Variants in MICU2 observed in about 807,000 individuals in gnomAD.
The protein encoded by MICU2 is mitochondrial calcium uptake 2.
Under a neutral mutation model 60.4 loss-of-function variants are expected in MICU2, and 64 were observed. That is an observed-to-expected ratio of 1.06 (90% CI 0.87 to 1.31). The LOEUF is 1.31. Among genes scored for constraint, MICU2 ranks in the 50% most tolerant of loss-of-function variants. The pLI is 0.00. For synonymous variants in MICU2, 201 were observed against 175.0 expected, an observed-to-expected ratio of 1.15 and a Z score of -1.17; for missense variants, 569 against 531.0, an observed-to-expected ratio of 1.07 and a Z score of -0.70.
intron 1 of MICU2, among the ~76,000 whole-genome samples, chr13:21,588,819 G>A (rs1888512255): frequency 6.6e-6 from 1 of 152,176 alleles, no homozygotes; most frequent in South Asian, 2.1e-4. Flanking sequence ...TCTCAGGTCT[G>A]TTTAGACACA....
chr13:21,558,892 G>A (rs190790216), intron 2 of MICU2, among the ~76,000 whole-genome samples: 1 of 152,208 alleles, frequency 6.6e-6, no homozygotes, highest in East Asian at 1.9e-4. Flanking sequence ...AGTAGCTGGG[G>A]GCAAGATGAG....
rs1886712721 is a variant in MICU2, at chr13:21,521,343, A to G, written c.515-16T>C. ...GAATGGGGTTCTGCAGTGAAGTGAA[A>G]AATGAATATTTAAATGTTGATGAAA... On this transcript the variant is annotated splice_polypyrimidine_tract_variant and intron_variant, in intron 5 of 11. Transcript: ENST00000382374. 6.3e-7 allele frequency: 1 copy of G among 1,593,374 alleles called. No individual in the cohort carries two copies. Among genetic ancestry groups the G allele is most frequent in the Non-Finnish European group, 8.5e-7 (1 of 1,172,444 alleles).
At chr13:21,584,871 C>T (rs1160513251) in intron 1 of MICU2, among the ~76,000 whole-genome samples, 1 of 152,096 alleles carries the variant, frequency 6.6e-6, no homozygotes, top group African/African-American at 2.4e-5. Flanking sequence ...CCCCAAAATT[C>T]ACAGTAACAG....
At chr13:21,572,363 G>C (rs1289514965) in intron 1 of MICU2, among the ~76,000 whole-genome samples, 1 of 152,236 alleles carries the variant, frequency 6.6e-6, no homozygotes, top group Non-Finnish European at 1.5e-5. Flanking sequence ...GGGCATGTAG[G>C]AAGAGGGGCA....
intron 4 of MICU2, among the ~76,000 whole-genome samples, chr13:21,529,284 A>T (rs1886931039): frequency 6.6e-6 from 1 of 152,212 alleles, no homozygotes; most frequent in Admixed American, 6.5e-5. Flanking sequence ...AGCTTTTACT[A>T]CCAAATGAGA....
chr13:21,567,003 A>G, intron 1 of MICU2, 59 bp from the exon 2 acceptor site: 1 of 1,406,086 alleles, frequency 7.1e-7, no homozygotes. Context: ...AGTCACTTCT[A>G]GGACAATCTT....
At chr13:21,507,459 T>C (rs555782384) in intron 8 of MICU2, among the ~76,000 whole-genome samples, 1 of 152,236 alleles carries the variant, frequency 6.6e-6, no homozygotes, top group East Asian at 1.9e-4. Flanking sequence ...TAAAAAACAT[T>C]GAGAGACTGA....
intron 1 of MICU2, among the ~76,000 whole-genome samples, chr13:21,568,858 C>G (rs972920475): frequency 6.8e-6 from 1 of 147,372 alleles, no homozygotes; most frequent in Non-Finnish European, 1.5e-5. Flanking sequence ...TTTTTTTCTT[C>G]TAGGAGGTTT....
At chr13:21,516,874 G>A (rs1886583345) in intron 6 of MICU2, among the ~76,000 whole-genome samples, 1 of 152,164 alleles carries the variant, frequency 6.6e-6, no homozygotes, top group Non-Finnish European at 1.5e-5. Flanking sequence ...TGAAAGCAAT[G>A]TGAAATAAAA....
chr13:21,513,417 GC>G (rs1376305165), intron 7 of MICU2, among the ~76,000 whole-genome samples: 1 of 151,934 alleles, frequency 6.6e-6, no homozygotes, highest in Non-Finnish European at 1.5e-5. Flanking sequence ...CCACCTCCCT[GC>G]CCTATTTGTT....
chr13:21,557,021 C>A (rs1200046), intron 2 of MICU2, among the ~76,000 whole-genome samples: 52,583 of 151,982 alleles, frequency 0.35, 9,460 homozygotes, highest in South Asian at 0.4. Flanking sequence ...AGTAGTTATT[C>A]AACAGTGACA....
Position 21,492,954 on chromosome 13 carries a change from A to C in MICU2, c.*295T>G, listed in dbSNP as rs574873363. ...TATTTGTTTTATCCTTCCAGAAAGC[A>C]TATCATATTAGAGTGTCTAAGAAAT... On this transcript the variant is annotated 3_prime_UTR_variant, in exon 12 of 12. Transcript: ENST00000382374. 4.3e-5 allele frequency: 8 copies of C among 185,700 alleles called. No individual in the cohort carries two copies. Among genetic ancestry groups the C allele is most frequent in the Non-Finnish European group, 8.8e-5 (8 of 90,506 alleles). 11.5% of individuals were successfully genotyped at this position (185,700 alleles called of 1,614,324 possible).
chr13:21,557,591 C>T (rs1412769337), intron 2 of MICU2, among the ~76,000 whole-genome samples: 1 of 152,194 alleles, frequency 6.6e-6, no homozygotes, highest in Non-Finnish European at 1.5e-5. Flanking sequence ...AGTTTAGGAT[C>T]TAATAAATCT....
chr13:21,582,359 C>G (rs1288592774), intron 1 of MICU2, among the ~76,000 whole-genome samples: 1 of 152,146 alleles, frequency 6.6e-6, no homozygotes, highest in African/African-American at 2.4e-5. Flanking sequence ...TGGTTTTTTA[C>G]AAGTTTCCTT....
At chr13:21,526,944 T>G (rs1201134717) in intron 4 of MICU2, among the ~76,000 whole-genome samples, 6 of 151,606 alleles carry the variant, frequency 4.0e-5, no homozygotes, top group Non-Finnish European at 7.4e-5. Flanking sequence ...AAGGAGGGAG[T>G]CAGGGCCAAA....
intron 2 of MICU2, among the ~76,000 whole-genome samples, chr13:21,564,814 T>C (rs1887936371): frequency 6.6e-6 from 1 of 152,214 alleles, no homozygotes; most frequent in Admixed American, 6.5e-5. Flanking sequence ...TGTGAGAACC[T>C]GGCAGAGTTC....
At chr13:21,551,060 C>G (rs1887549183) in intron 2 of MICU2, among the ~76,000 whole-genome samples, 1 of 152,220 alleles carries the variant, frequency 6.6e-6, no homozygotes. Context: ...CTATTTCTCA[C>G]CTGCTCATGT....
intron 1 of MICU2, among the ~76,000 whole-genome samples, chr13:21,570,413 A>G (rs1249873295): frequency 1.3e-5 from 2 of 152,194 alleles, no homozygotes; most frequent in East Asian, 3.8e-4. Flanking sequence ...TTAACCTTTT[A>G]TTCATCTGTC....
At position 21,494,118 on chromosome 13, in the gene MICU2, A is replaced by G. The variant is rs1470623570; in HGVS notation, c.1201-765T>C. 2.0e-5 allele frequency among the ~76,000 whole-genome samples: 3 copies of G among 152,196 alleles called. 1 individual carries two copies. Among genetic ancestry groups the G allele is most frequent in the Admixed American group, 2.0e-4 (3 of 15,278 alleles). On this transcript the variant is annotated intron_variant, in intron 11 of 11. Coordinates refer to ENST00000382374, the MANE Select transcript of MICU2 (RefSeq NM_152726.3). ...TGAAAAGACTGGCTTAATTTCCCGG[A>G]ATATATTTATGGGTGTTGGATAACT... is the stretch of plus-strand genomic sequence containing the variant.
Sources: gnomAD v4.1 joint callset for allele counts (sites outside exome capture counted in the v4.1 genomes callset) on GRCh38, gnomAD v4.1.1 for gene constraint, MANE v1.5 for transcripts, NCBI Gene and HGNC (gene_info 2026-07-23, HGNC 2026-07-21) for gene names.